Variants in FGF14 observed in about 807,000 individuals in gnomAD.
FGF14 encodes the protein fibroblast growth factor 14, also known as fibroblast growth factor homologous factor 4.
A neutral mutation model predicts 25.5 loss-of-function variants in FGF14; 5 were observed. The ratio of observed to expected loss-of-function variants is 0.20; its 90% CI spans 0.10 to 0.41. The LOEUF (loss-of-function observed/expected upper bound fraction) is 0.41, where lower values mean the gene tolerates loss of function less well. Among genes scored for constraint, FGF14 ranks in the 10% least tolerant of loss-of-function variants. The probability of loss-of-function intolerance (pLI) is 1.00; values close to 1 mark genes in which losing one functional copy is unlikely to be tolerated. For missense variants in FGF14, 222 were observed against 320.1 expected (o/e 0.69, Z 2.34); for synonymous variants, 138 against 118.3 (o/e 1.17, Z -1.08).
chr13:101,752,983 T>C (rs1594127441), intron 3 of FGF14, among the ~76,000 whole-genome samples: 1 of 152,152 alleles, frequency 6.6e-6, no homozygotes, highest in Admixed American at 6.6e-5. Context: ...CTATGACAGA[T>C]ATAAAAAGTG....
intron 1 of FGF14, among the ~76,000 whole-genome samples, chr13:102,361,225 A>C (rs1056849880): frequency 5.3e-5 from 8 of 152,290 alleles, no homozygotes; most frequent in African/African-American, 1.9e-4. Context: ...TCATCAACAG[A>C]AAGTCAGAGG....
At chr13:101,998,714 T>G (rs903618068) in intron 1 of FGF14, among the ~76,000 whole-genome samples, 1 of 152,192 alleles carries the variant, frequency 6.6e-6, no homozygotes, top group Non-Finnish European at 1.5e-5. Flanking sequence ...CGTCGGTGTA[T>G]GCATATGATC....
intron 1 of FGF14, among the ~76,000 whole-genome samples, chr13:102,041,685 G>A (rs1043739418): frequency 5.3e-5 from 8 of 152,038 alleles, no homozygotes; most frequent in Non-Finnish European, 1.0e-4. Context: ...CTTCTTCTGT[G>A]TGCAGAACTG....
At chr13:101,977,385 G>A (rs2037994460) in intron 1 of FGF14, among the ~76,000 whole-genome samples, 2 of 152,150 alleles carry the variant, frequency 1.3e-5, no homozygotes, top group African/African-American at 2.4e-5. Flanking sequence ...CCCCCATTGT[G>A]AAGCAGCTAT....
At chr13:102,251,342 C>T (rs1225727368) in intron 1 of FGF14, among the ~76,000 whole-genome samples, 1 of 152,134 alleles carries the variant, frequency 6.6e-6, no homozygotes, top group African/African-American at 2.4e-5. Context: ...TCAGAAGGCT[C>T]TGAGTGAGGG....
At chr13:102,084,221 A>T (rs2043778699) in intron 1 of FGF14, among the ~76,000 whole-genome samples, 1 of 151,910 alleles carries the variant, frequency 6.6e-6, no homozygotes, top group Non-Finnish European at 1.5e-5. Context: ...CCTAACCTCT[A>T]ACTCTGTTTC....
intron 1 of FGF14, among the ~76,000 whole-genome samples, chr13:101,948,444 C>G (rs1272277075): frequency 6.9e-6 from 1 of 145,540 alleles, no homozygotes; most frequent in African/African-American, 2.6e-5. Flanking sequence ...TGCACATGTA[C>G]CCTAGAACTT....
intron 1 of FGF14, among the ~76,000 whole-genome samples, chr13:102,291,023 T>G (rs151057117): frequency 5.9e-5 from 9 of 152,018 alleles, no homozygotes; most frequent in South Asian, 2.1e-4. Context: ...TTTTGAAAAA[T>G]AAAAAGAAAA....
At chr13:102,028,415 C>G (rs1461242364) in intron 1 of FGF14, among the ~76,000 whole-genome samples, 1 of 152,078 alleles carries the variant, frequency 6.6e-6, no homozygotes, top group Admixed American at 6.6e-5. Context: ...AGAAAGCAGG[C>G]CTTGCCAGGC....
At chr13:102,104,548 G>C (rs756383610) in intron 1 of FGF14, among the ~76,000 whole-genome samples, 14 of 152,154 alleles carry the variant, frequency 9.2e-5, no homozygotes, top group Non-Finnish European at 1.8e-4. Context: ...GGCTGAGACA[G>C]GTGGATCACT....
At chr13:102,199,830 G>A (rs1468183760) in intron 1 of FGF14, among the ~76,000 whole-genome samples, 2 of 152,182 alleles carry the variant, frequency 1.3e-5, no homozygotes, top group East Asian at 1.9e-4. Flanking sequence ...ACTTTAGAGC[G>A]TGTTTCTCTC....
At chr13:101,751,908 GA>G (rs928393277) in intron 3 of FGF14, among the ~76,000 whole-genome samples, 8 of 151,120 alleles carry the variant, frequency 5.3e-5, no homozygotes, top group Non-Finnish European at 8.8e-5. Flanking sequence ...TTCTCTGGGG[GA>G]AAAAAACAAA....
At chr13:102,098,765 C>T (rs1285458061) in intron 1 of FGF14, among the ~76,000 whole-genome samples, 3 of 152,226 alleles carry the variant, frequency 2.0e-5, no homozygotes, top group Middle Eastern at 3.4e-3. Flanking sequence ...GACTAGTGCG[C>T]TTTTAGGACA....
chr13:101,714,276 C>T lies in FGF14; in HGVS notation c.*8555G>A. 1 of 612,418 alleles carries T rather than the reference C, an allele frequency of 1.6e-6. No individual in the cohort carries two copies. Among genetic ancestry groups the T allele is most frequent in the African/African-American group, 1.8e-5 (1 of 54,210 alleles). 37.9% of individuals were successfully genotyped at this position (612,418 alleles called of 1,614,324 possible). A position where few individuals can be genotyped will look rare whatever the true frequency, so the allele number is the denominator to read the frequency against. ...TTTCCTGGGTGACCTTTATGAATTA[C>T]AGTAAGTAAAGCTCCCCTCTGAGAA... On this transcript the variant is annotated 3_prime_UTR_variant, in exon 5 of 5. Transcript: ENST00000376143.
chr13:102,205,144 A>C (rs960403517), intron 1 of FGF14, among the ~76,000 whole-genome samples: 1 of 152,132 alleles, frequency 6.6e-6, no homozygotes, highest in African/African-American at 2.4e-5. Context: ...AAACTGAGAG[A>C]AGAAGGGCTT....
At chr13:102,280,942 A>C (rs945614218) in intron 1 of FGF14, among the ~76,000 whole-genome samples, 1 of 152,228 alleles carries the variant, frequency 6.6e-6, no homozygotes, top group Non-Finnish European at 1.5e-5. Flanking sequence ...TCATAGTTCC[A>C]TGAAGGGATA....
intron 1 of FGF14, among the ~76,000 whole-genome samples, chr13:101,995,633 T>C (rs539355835): frequency 5.9e-5 from 9 of 152,084 alleles, no homozygotes; most frequent in Non-Finnish European, 1.2e-4. Context: ...TAAGCCAACA[T>C]GTAACTGTAA....
rs574895355 is a variant in FGF14 at position 102,027,248 on chromosome 13, C to T, written c.209-151952G>A. On this transcript the variant is annotated intron_variant, in intron 1 of 4. Transcript: ENST00000376131. The stretch of plus-strand genomic sequence containing the variant: ...ACACAGACACACACATACACACACA[C>T]ATATATTTATAAAATAGTATAATAT... Among the ~76,000 whole-genome samples the T allele has an allele frequency of 1.2e-3, 183 of 151,256 alleles. 1 individual carries two copies. Among genetic ancestry groups the T allele is most frequent in the African/African-American group, 4.1e-3 (169 of 41,300 alleles).
intron 1 of FGF14, among the ~76,000 whole-genome samples, chr13:102,270,062 A>G (rs1458008453): frequency 6.6e-6 from 1 of 152,196 alleles, no homozygotes; most frequent in Non-Finnish European, 1.5e-5. Context: ...AAATGTTTAC[A>G]ATTTAAAATA....
Sources: allele counts gnomAD v4.1 joint callset (sites outside exome capture counted in the v4.1 genomes callset), GRCh38; gene constraint gnomAD v4.1.1; transcripts MANE v1.5; gene names NCBI Gene and HGNC (gene_info 2026-07-23, HGNC 2026-07-21).